CFAP54: variants seen among roughly 807,000 people sequenced by gnomAD.
CFAP54 encodes the protein cilia- and flagella-associated protein 54.
In CFAP54, 290 loss-of-function variants were observed where a neutral mutation model predicts 370.4. That is an observed-to-expected ratio of 0.78 (90% CI 0.71 to 0.86). CFAP54 has a LOEUF of 0.86. CFAP54 is among the 40% of genes least tolerant of loss of function. The pLI, the probability that CFAP54 is intolerant of heterozygous loss-of-function variation, is 0.00. For synonymous variants in CFAP54, 1,206 were observed against 1,236.5 expected (o/e 0.98, Z 0.52); for missense variants, 3,399 against 3,528.7 (o/e 0.96, Z 0.93).
At chr12:96,754,836 T>C (rs10777812) in intron 56 of CFAP54, among the ~76,000 whole-genome samples, 57,235 of 151,746 alleles carry the variant, frequency 0.38, 11,944 homozygotes, top group East Asian at 0.68. Context: ...CTTCGCCTCC[T>C]GGGTTCAAGC....
chr12:96,796,318 A>G (rs533121948), intron 63 of CFAP54, among the ~76,000 whole-genome samples: 2 of 152,276 alleles, frequency 1.3e-5, no homozygotes, highest in East Asian at 1.9e-4. Context: ...ATGCTTTTAT[A>G]CTATTCTTGT....
intron 50 of CFAP54, among the ~76,000 whole-genome samples, chr12:96,720,910 C>T (rs1008820105): frequency 1.3e-4 from 19 of 151,912 alleles, no homozygotes; most frequent in African/African-American, 4.1e-4. Context: ...ATCCCAGCTA[C>T]TCGGGAGGCT....
chr12:96,561,501 GA>G (rs1182766030), intron 17 of CFAP54, among the ~76,000 whole-genome samples: 4 of 151,960 alleles, frequency 2.6e-5, no homozygotes, highest in South Asian at 2.1e-4. Context: ...TATTCTTTGA[GA>G]TTTTTTTTGC....
At chr12:96,555,464 A>G (rs1032157149) in intron 17 of CFAP54, among the ~76,000 whole-genome samples, 2 of 151,412 alleles carry the variant, frequency 1.3e-5, no homozygotes, top group Admixed American at 6.6e-5. Flanking sequence ...TAAGGATTGG[A>G]AAAGAAGAAA....
chr12:96,601,567 C>T (rs572095496), intron 26 of CFAP54, among the ~76,000 whole-genome samples: 35 of 152,168 alleles, frequency 2.3e-4, no homozygotes, highest in African/African-American at 5.8e-4. Flanking sequence ...AGAATTCGGC[C>T]GTGAATCCAT....
intron 11 of CFAP54, among the ~76,000 whole-genome samples, chr12:96,535,008 CTG>C (rs4018882): frequency 0.22 from 29,807 of 137,108 alleles, 2,988 homozygotes; most frequent in Admixed American, 0.25. Context: ...GTTTTCTTTT[CTG>C]TGTGTGTGTG....
chr12:96,506,897 A>G (rs1426512402), intron 3 of CFAP54, 31 bp from the exon 4 acceptor site: 3 of 1,508,572 alleles, frequency 2.0e-6, no homozygotes, highest in African/African-American at 2.8e-5. Context: ...AGTTATTTCT[A>G]TTTCTATTTC....
chr12:96,704,057 T>C (rs2136583604), intron 46 of CFAP54, among the ~76,000 whole-genome samples: 1 of 152,304 alleles, frequency 6.6e-6, no homozygotes, highest in South Asian at 2.1e-4. Flanking sequence ...TAGACTGAAG[T>C]TTACAAATAA....
chr12:96,552,518 A>G (rs1196201016), intron 15 of CFAP54, among the ~76,000 whole-genome samples: 17 of 151,740 alleles, frequency 1.1e-4, no homozygotes, highest in Admixed American at 1.1e-3. Context: ...TAATTTTTGT[A>G]TTTTTTGGTA....
At chr12:96,847,476 C>T (rs932942212) in intron 66 of CFAP54, among the ~76,000 whole-genome samples, 1 of 152,162 alleles carries the variant, frequency 6.6e-6, no homozygotes, top group Non-Finnish European at 1.5e-5. Context: ...AATCACTCCC[C>T]CTACCCCTTA....
chr12:96,712,888 A>C (rs1464028248), intron 48 of CFAP54, among the ~76,000 whole-genome samples: 1 of 152,240 alleles, frequency 6.6e-6, no homozygotes, highest in South Asian at 2.1e-4. Context: ...ACCTGGATAG[A>C]TATTTATCAA....
chr12:96,607,966 A>T (rs1232631454), intron 26 of CFAP54, among the ~76,000 whole-genome samples: 4 of 152,170 alleles, frequency 2.6e-5, no homozygotes, highest in African/African-American at 7.2e-5. Flanking sequence ...TATTCTGCCC[A>T]TGTACTTATC....
At chr12:96,865,935 T>C (rs1252424902) in intron 67 of CFAP54, among the ~76,000 whole-genome samples, 2 of 152,122 alleles carry the variant, frequency 1.3e-5, no homozygotes, top group Non-Finnish European at 2.9e-5. Flanking sequence ...CAATATAAGA[T>C]AGTAGAGCCT....
intron 48 of CFAP54, among the ~76,000 whole-genome samples, chr12:96,711,730 C>A (rs535440080): frequency 2.0e-5 from 3 of 152,268 alleles, no homozygotes; most frequent in Admixed American, 1.3e-4. Context: ...ATTAAAAAAC[C>A]AATAATTTTT....
chr12:96,866,015 A>G (rs1959997348), intron 67 of CFAP54, among the ~76,000 whole-genome samples: 1 of 152,106 alleles, frequency 6.6e-6, no homozygotes. Flanking sequence ...TCCTCACTAT[A>G]ATTTAAATTA....
intron 26 of CFAP54, among the ~76,000 whole-genome samples, chr12:96,603,606 T>G (rs1354042714): frequency 6.6e-6 from 1 of 152,258 alleles, no homozygotes; most frequent in East Asian, 1.9e-4. Context: ...CAGACGTAGA[T>G]CTGGTCTTTT....
chr12:96,544,909 CT>C (rs769543854), intron 14 of CFAP54, among the ~76,000 whole-genome samples: 236 of 142,100 alleles, frequency 1.7e-3, no homozygotes, highest in Middle Eastern at 3.7e-3. Flanking sequence ...TCTTCCTTTT[CT>C]TTTTTTTTTT....
In CFAP54 at chr12:96,492,916, C is replaced by T. The variant is rs1464533073; in HGVS notation, c.317+2990C>T. ...GGCTGAGGCATGAGAATCTCTTGAA[C>T]CCAGGAGGTGGAGGTTGCCAGTGTG... On this transcript the variant is annotated intron_variant, in intron 1 of 67. Coordinates refer to ENST00000524981, the MANE Select transcript of CFAP54 (RefSeq NM_001306084.2). Among the ~76,000 whole-genome samples the T allele has an allele frequency of 4.0e-5, 6 of 151,850 alleles. No homozygotes were observed. In the East Asian group the frequency reaches 1.2e-3, roughly 29 times the overall value.
intron 1 of CFAP54, among the ~76,000 whole-genome samples, chr12:96,496,748 G>C (rs1166752587): frequency 6.6e-6 from 1 of 152,108 alleles, no homozygotes; most frequent in Non-Finnish European, 1.5e-5. Flanking sequence ...AAATTTATGA[G>C]ATAGGATTGG....
Sources: gnomAD v4.1 joint callset for allele counts (sites outside exome capture counted in the v4.1 genomes callset) on GRCh38, gnomAD v4.1.1 for gene constraint, MANE v1.5 for transcripts, NCBI Gene and HGNC (gene_info 2026-07-23, HGNC 2026-07-21) for gene names.